ADAM22: variants seen among roughly 807,000 people sequenced by gnomAD.
ADAM22 encodes ADAM metallopeptidase domain 22, also known as disintegrin and metalloproteinase domain-containing protein 22.
Under a neutral mutation model 144.6 loss-of-function variants are expected in ADAM22, and 65 were observed. The observed-to-expected ratio is 0.45, with a 90% CI of 0.37 to 0.55. ADAM22 has a LOEUF of 0.55. Among genes scored for constraint, ADAM22 ranks in the 20% least tolerant of loss-of-function variants. ADAM22 has a pLI of 0.00. For missense variants in ADAM22, 974 were observed against 1,184.9 expected (o/e 0.82, Z 2.61); for synonymous variants, 391 against 412.6 (o/e 0.95, Z 0.63).
intron 5 of ADAM22, among the ~76,000 whole-genome samples, chr7:88,109,911 T>G (rs938018357): frequency 6.6e-6 from 1 of 152,258 alleles, no homozygotes; most frequent in South Asian, 2.1e-4. Context: ...AGAGAGCTAA[T>G]GGACACGGCC....
rs1433495048 is a variant in ADAM22, at chr7:88,197,572, G to C, written c.*1081G>C. 6.6e-6 allele frequency: 1 copy of C among 152,240 alleles called. No individual in the cohort carries two copies. Among genetic ancestry groups the C allele is most frequent in the African/African-American group, 2.4e-5 (1 of 41,462 alleles). 9.4% of individuals were successfully genotyped at this position (152,240 alleles called of 1,614,324 possible). ...ACATGAGACAACGTACTGCCAGTGA[G>C]CTGGTAGCTTCTGGTTTGCCAATAC... On this transcript the variant is annotated 3_prime_UTR_variant, in exon 32 of 32. Transcript: ENST00000413139.
At position 88,083,513 on chromosome 7, in the gene ADAM22, C is replaced by T. The variant is rs1450651135; in HGVS notation, c.390+7821C>T. Among the ~76,000 whole-genome samples the T allele has an allele frequency of 4.6e-5, 7 of 151,346 alleles. No individual in the cohort carries two copies. In the Admixed American group the frequency reaches 4.6e-4, roughly 10 times the overall value. On this transcript the variant is annotated intron_variant, in intron 4 of 31. Coordinates refer to ENST00000413139, the MANE Select transcript of ADAM22 (RefSeq NM_001324418.2). Reference sequence around the variant, plus strand: ...AAAAAAAAGAATGCTATAATGAAACCCCCCATTCCCATCATCCAGCATCAA... The same window carrying T: ...AAAAAAAAGAATGCTATAATGAAACTCCCCATTCCCATCATCCAGCATCAA...
intron 3 of ADAM22, among the ~76,000 whole-genome samples, chr7:88,039,774 C>T (rs1331927811): frequency 4.0e-5 from 6 of 151,654 alleles, no homozygotes; most frequent in African/African-American, 9.7e-5. Flanking sequence ...AATATACTCT[C>T]GCCACTTTAC....
intron 24 of ADAM22, among the ~76,000 whole-genome samples, chr7:88,167,210 G>A (rs1482535844): frequency 2.0e-5 from 3 of 152,162 alleles, no homozygotes; most frequent in Non-Finnish European, 4.4e-5. Flanking sequence ...TACTCTGGAT[G>A]AAAGCTCTGC....
intron 3 of ADAM22, among the ~76,000 whole-genome samples, chr7:88,071,593 A>C (rs1467289636): frequency 6.6e-6 from 1 of 152,058 alleles, no homozygotes; most frequent in African/African-American, 2.4e-5. Context: ...ACAGTTGCCC[A>C]CTACACAAAG....
chr7:88,158,745 A>G (rs1348006355), intron 22 of ADAM22, among the ~76,000 whole-genome samples: 2 of 152,156 alleles, frequency 1.3e-5, no homozygotes, highest in African/African-American at 2.4e-5. Context: ...AATCTCTGGG[A>G]CACAGCTAAG....
intron 30 of ADAM22, 88 bp from the exon 31 acceptor site, chr7:88,193,028 C>T: frequency 6.6e-7 from 1 of 1,513,184 alleles, no homozygotes; most frequent in Non-Finnish European, 9.0e-7. Context: ...AGTTAGAAGT[C>T]AGAGGGTTTG....
At chr7:88,049,970 C>T (rs547280076) in intron 3 of ADAM22, among the ~76,000 whole-genome samples, 1 of 152,022 alleles carries the variant, frequency 6.6e-6, no homozygotes, top group African/African-American at 2.4e-5. Flanking sequence ...AATGTCAACT[C>T]AGAAATCAAA....
At position 87,935,074 on chromosome 7, in the gene ADAM22, T is replaced by C; in HGVS notation, c.134T>C (p.Val45Ala). The part of the protein sequence containing the change: ...ELEKRKENRF[V>A]ERQSIVPLRL... ...GAGAAGAGGAAGGAAAACCGCTTCGTGGAGCGCCAGAGCATCGTGCCACTG... is the reference window on the plus strand; with the variant it reads ...GAGAAGAGGAAGGAAAACCGCTTCGCGGAGCGCCAGAGCATCGTGCCACTG... Residue 45 changes from valine (V) to alanine (A), a missense_variant, in exon 2 of 32, where the codon GTG (valine) becomes GCG (alanine). Around this residue, in one of 2 missense-constraint regions of ADAM22, gnomAD observed 240 missense variants for 234.3 expected, o/e 1.02. Coordinates refer to ENST00000413139, the MANE Select transcript of ADAM22 (RefSeq NM_001324418.2). 1.9e-6 allele frequency: 3 copies of C among 1,614,180 alleles called. No homozygotes were observed. Among genetic ancestry groups the C allele is most frequent in the African/African-American group, 1.3e-5 (1 of 75,056 alleles).
intron 27 of ADAM22, 27 bp from the exon 28 acceptor site, chr7:88,181,478 A>G: frequency 6.3e-7 from 1 of 1,595,072 alleles, no homozygotes; most frequent in Middle Eastern, 1.7e-4. Flanking sequence ...ACATTTTTGA[A>G]CAATTTATCA....
chr7:87,981,275 T>C (rs1449043749), intron 3 of ADAM22, among the ~76,000 whole-genome samples: 1 of 152,180 alleles, frequency 6.6e-6, no homozygotes, highest in Non-Finnish European at 1.5e-5. Flanking sequence ...ATATCTTTTA[T>C]AGCCTGCTTT....
At chr7:87,962,852 A>G (rs555511045) in intron 2 of ADAM22, among the ~76,000 whole-genome samples, 1 of 152,296 alleles carries the variant, frequency 6.6e-6, no homozygotes, top group South Asian at 2.1e-4. Context: ...GAGAGCTTAA[A>G]TAATGCCCAG....
intron 2 of ADAM22, among the ~76,000 whole-genome samples, chr7:87,951,015 T>G (rs1487593311): frequency 5.3e-5 from 8 of 152,304 alleles, no homozygotes; most frequent in South Asian, 4.1e-4. Flanking sequence ...ATTTGTTTGA[T>G]TTCATTGTCG....
intron 2 of ADAM22, among the ~76,000 whole-genome samples, chr7:87,975,917 T>C (rs1637494): frequency 0.42 from 64,107 of 151,950 alleles, 14,870 homozygotes; most frequent in Non-Finnish European, 0.51. Flanking sequence ...AACACAGTTG[T>C]TAGCACTCTA....
At chr7:88,030,809 C>T (rs1012426334) in intron 3 of ADAM22, among the ~76,000 whole-genome samples, 4 of 152,210 alleles carry the variant, frequency 2.6e-5, no homozygotes, top group South Asian at 2.1e-4. Flanking sequence ...CCTGCAGAAC[C>T]ATGAACTGAT....
intron 22 of ADAM22, 84 bp downstream of exon 22, chr7:88,156,090 T>C (rs2072213): frequency 0.13 from 195,053 of 1,489,632 alleles, 18,193 homozygotes; most frequent in East Asian, 0.46. Context: ...TTTCAATTAA[T>C]GTACATGTTA....
intron 2 of ADAM22, among the ~76,000 whole-genome samples, chr7:87,938,312 G>C (rs1172759844): frequency 2.1e-5 from 3 of 142,924 alleles, no homozygotes; most frequent in African/African-American, 7.9e-5. Context: ...TCCACCTCCT[G>C]GGTTCAAGCG....
intron 29 of ADAM22, among the ~76,000 whole-genome samples, chr7:88,182,636 CTTTTT>C (rs201130512): frequency 6.6e-6 from 1 of 151,078 alleles, no homozygotes; most frequent in South Asian, 2.1e-4. Context: ...CATGCATTTA[CTTTTT>C]TTTTAAGGGG....
chr7:88,026,764 A>G (rs1347444749), intron 3 of ADAM22, among the ~76,000 whole-genome samples: 1 of 152,138 alleles, frequency 6.6e-6, no homozygotes, highest in Admixed American at 6.5e-5. Flanking sequence ...ACTATGTTGA[A>G]TAATAGTGAT....
Sources: gnomAD v4.1 joint callset for allele counts (sites outside exome capture counted in the v4.1 genomes callset) on GRCh38, gnomAD v4.1.1 for gene constraint, gnomAD v4.1.1 regional missense constraint, MANE v1.5 for transcripts, NCBI Gene and HGNC (gene_info 2026-07-23, HGNC 2026-07-21) for gene names.